The following ANO3 variants were observed in gnomAD, a reference collection of about 807,000 sequenced individuals.
ANO3 encodes the protein anoctamin-3.
A neutral mutation model predicts 144.8 loss-of-function variants in ANO3; 99 were observed. That is an observed-to-expected ratio of 0.68 (90% confidence interval 0.58 to 0.81). The LOEUF is 0.81. ANO3 is among the 30% of genes least tolerant of loss of function. The pLI is 0.00. For missense variants in ANO3, 905 were observed against 1,202.2 expected (o/e 0.75, Z 3.66); for synonymous variants, 414 against 392.6 (o/e 1.05, Z -0.64).
intron 4 of ANO3, among the ~76,000 whole-genome samples, chr11:26,505,896 G>T (rs1390144576): frequency 6.6e-6 from 1 of 151,242 alleles, no homozygotes; most frequent in East Asian, 2.0e-4. Context: ...GCTGAGTTGA[G>T]GCAGGAGAAT....
intron 6 of ANO3, among the ~76,000 whole-genome samples, chr11:26,522,039 C>T (rs886309029): frequency 6.6e-6 from 1 of 151,980 alleles, no homozygotes; most frequent in African/African-American, 2.4e-5. Context: ...AAAAAATTAG[C>T]CGGGGGTAGT....
chr11:26,413,837 C>T (rs898067708), intron 1 of ANO3, among the ~76,000 whole-genome samples: 3 of 152,004 alleles, frequency 2.0e-5, no homozygotes, highest in Admixed American at 6.6e-5. Context: ...TTTATAACCT[C>T]CTTGCATTTA....
In ANO3 at chr11:26,636,938, C is replaced by G. The variant is rs143328034; in HGVS notation, c.2043+1868C>G. On this transcript the variant is annotated intron_variant, in intron 20 of 26. Coordinates refer to ENST00000256737, the MANE Select transcript of ANO3 (RefSeq NM_031418.4). ...CAACAACTACCCTGCCAGGTTCTCA[C>G]AAGGAGTAAGAGAAAAATACACTAC... Among the ~76,000 whole-genome samples, 30 of 152,248 alleles carry G rather than the reference C, an allele frequency of 2.0e-4. No homozygotes were observed. The East Asian group carries it at 5.6e-3, about 28-fold the overall frequency.
At chr11:26,267,171 T>TTCAC (rs1453063727) in intron 1 of ANO3, among the ~76,000 whole-genome samples, 1 of 150,354 alleles carries the variant, frequency 6.7e-6, no homozygotes, top group Non-Finnish European at 1.5e-5. Context: ...GAGAAGGACC[T>TTCAC]TCACGCACGC....
chr11:26,273,627 A>C (rs1853494689), intron 1 of ANO3, among the ~76,000 whole-genome samples: 1 of 136,292 alleles, frequency 7.3e-6, no homozygotes, highest in Admixed American at 7.8e-5. Flanking sequence ...GAGATTGTGG[A>C]TATGGCACAC....
chr11:26,276,550 A>G (rs1853563963), intron 1 of ANO3, among the ~76,000 whole-genome samples: 1 of 152,110 alleles, frequency 6.6e-6, no homozygotes, highest in African/African-American at 2.4e-5. Flanking sequence ...TAAACAAATA[A>G]ACTTCCATAA....
At chr11:26,653,776 A>T (rs565170081) in intron 24 of ANO3, among the ~76,000 whole-genome samples, 1 of 142,988 alleles carries the variant, frequency 7.0e-6, no homozygotes, top group East Asian at 1.9e-4. Context: ...TTATCTTCCT[A>T]AAAAAGTCTA....
chr11:26,402,194 CT>C (rs1383489806), intron 1 of ANO3, among the ~76,000 whole-genome samples: 2 of 151,664 alleles, frequency 1.3e-5, no homozygotes, highest in Non-Finnish European at 3.0e-5. Flanking sequence ...TGGGATTTGT[CT>C]TTTCTTTGAG....
chr11:26,202,349 TA>T (rs1282887068), intron 1 of ANO3, among the ~76,000 whole-genome samples: 9 of 146,626 alleles, frequency 6.1e-5, no homozygotes, highest in Non-Finnish European at 1.3e-4. Context: ...TATAGATTAT[TA>T]TATATATTAT....
chr11:26,458,949 A>T (rs1281503882), intron 3 of ANO3, among the ~76,000 whole-genome samples: 3 of 152,184 alleles, frequency 2.0e-5, no homozygotes, highest in Non-Finnish European at 4.4e-5. Flanking sequence ...ATAATAAAGC[A>T]TTGCGAGCAG....
chr11:26,317,476 A>C (rs1854653033), intron 1 of ANO3, among the ~76,000 whole-genome samples: 1 of 152,208 alleles, frequency 6.6e-6, no homozygotes, highest in African/African-American at 2.4e-5. Context: ...TTCTCAAAAG[A>C]AGACATTTAT....
intron 4 of ANO3, among the ~76,000 whole-genome samples, chr11:26,465,231 G>T (rs1416458526): frequency 7.3e-5 from 11 of 150,628 alleles, no homozygotes; most frequent in Non-Finnish European, 1.5e-5. Context: ...ATTCATTTGT[G>T]TCCTACAAAT....
At chr11:26,474,561 A>G (rs923622746) in intron 4 of ANO3, among the ~76,000 whole-genome samples, 1 of 151,770 alleles carries the variant, frequency 6.6e-6, no homozygotes, top group Non-Finnish European at 1.5e-5. Flanking sequence ...AGCATATCTC[A>G]TAGTGTTAAA....
intron 14 of ANO3, chr11:26,561,103 G>GA (rs1400777593): frequency 1.1e-5 from 18 of 1,612,104 alleles, no homozygotes; most frequent in Non-Finnish European, 1.4e-5. Flanking sequence ...TCATCCATAG[G>GA]AATGCCATCA....
chr11:26,505,780 G>A (rs898302994), intron 4 of ANO3, among the ~76,000 whole-genome samples: 1 of 151,852 alleles, frequency 6.6e-6, no homozygotes, highest in Non-Finnish European at 1.5e-5. Context: ...AGACCGTCCT[G>A]GCTAACATGG....
At chr11:26,308,525 T>C (rs567466336), upstream of ANO3, among the ~76,000 whole-genome samples, 1 of 152,344 alleles carries the variant, frequency 6.6e-6, no homozygotes, top group Admixed American at 6.5e-5. Context: ...GAATTTTTTT[T>C]CTGTTATTAC....
chr11:26,500,752 C>T (rs1208263340), intron 4 of ANO3, among the ~76,000 whole-genome samples: 1 of 151,530 alleles, frequency 6.6e-6, no homozygotes, highest in Admixed American at 6.6e-5. Context: ...GTGGTTTACA[C>T]TTTCACTTGC....
intron 4 of ANO3, among the ~76,000 whole-genome samples, chr11:26,479,566 G>A (rs560858846): frequency 2.0e-5 from 3 of 152,208 alleles, no homozygotes; most frequent in South Asian, 4.1e-4. Flanking sequence ...CGGATCTCGT[G>A]AGACTTATTC....
chr11:26,299,170 T>C (rs1854160501), intron 1 of ANO3, among the ~76,000 whole-genome samples: 1 of 152,040 alleles, frequency 6.6e-6, no homozygotes, highest in South Asian at 2.1e-4. Context: ...AAAAGAGGAA[T>C]GACAAAGGAG....
Sources: allele counts gnomAD v4.1 joint callset (sites outside exome capture counted in the v4.1 genomes callset), GRCh38; gene constraint gnomAD v4.1.1; transcripts MANE v1.5; gene names NCBI Gene and HGNC (gene_info 2026-07-23, HGNC 2026-07-21).